MARK2: variants seen among roughly 807,000 people sequenced by gnomAD.
MARK2 encodes serine/threonine-protein kinase MARK2.
MARK2 carries 16 observed loss-of-function variants against 89.8 expected under a neutral mutation model. The observed-to-expected ratio is 0.18, with a 90% CI of 0.12 to 0.27. The LOEUF (loss-of-function observed/expected upper bound fraction) is 0.27. MARK2 is among the 10% of genes least tolerant of loss of function. The pLI is 1.00. For synonymous variants in MARK2, 382 were observed against 399.5 expected, an observed-to-expected ratio of 0.96 and a Z score of 0.52; for missense variants, 621 against 1,049.9, an observed-to-expected ratio of 0.59 and a Z score of 5.65.
chr11:63,898,078 A>C (rs1373592544), intron 3 of MARK2, among the ~76,000 whole-genome samples, 154 bp from the exon 4 acceptor site: 1 of 152,132 alleles, frequency 6.6e-6, no homozygotes, highest in Non-Finnish European at 1.5e-5. Flanking sequence ...TCCCAGCCAC[A>C]GGGAAGGCCG....
Position 63,909,844 on chromosome 11 carries a change from G to C in MARK2, c.*607G>C, listed in dbSNP as rs1318641849. 1 of 152,446 alleles carries C rather than the reference G, an allele frequency of 6.6e-6. No individual in the cohort carries two copies. Among genetic ancestry groups the C allele is most frequent in the Non-Finnish European group, 1.5e-5 (1 of 68,264 alleles). The allele number at this position is 152,446 out of a possible 1,614,324, so 9.4% of individuals were successfully genotyped here. Reference sequence around the variant, plus strand: ...CTGGAGGCCTGGGCGGTGGGGCAGGGGGCGGGGGTGCTGCGCAGCCCTGCA... The same window carrying C: ...CTGGAGGCCTGGGCGGTGGGGCAGGCGGCGGGGGTGCTGCGCAGCCCTGCA... On this transcript the variant is annotated 3_prime_UTR_variant, in exon 19 of 19. Transcript: ENST00000402010.
intron 1 of MARK2, among the ~76,000 whole-genome samples, chr11:63,852,118 G>T (rs2016602544): frequency 6.6e-6 from 1 of 152,156 alleles, no homozygotes; most frequent in African/African-American, 2.4e-5. Context: ...ATTTTCCAGA[G>T]GCTAAATGAT....
At chr11:63,849,542 C>T (rs1397862667) in intron 1 of MARK2, among the ~76,000 whole-genome samples, 1 of 152,180 alleles carries the variant, frequency 6.6e-6, no homozygotes, top group Non-Finnish European at 1.5e-5. Context: ...CACCTGAGGT[C>T]AGGAGTTCGA....
intron 1 of MARK2, among the ~76,000 whole-genome samples, chr11:63,850,315 A>ATTTTTTTTTTT (rs34074167): frequency 3.6e-3 from 345 of 95,736 alleles, no homozygotes; most frequent in Middle Eastern, 7.5e-3. Flanking sequence ...TACCTGGCTA[A>ATTTTTTTTTTT]TTTTTTTTTT....
In MARK2 at chr11:63,908,879, C is replaced by A; in HGVS notation, c.2009C>A (p.Pro670His). ...ESKDRVETLR[P>H]HVVGSGGNDK... ...GCCCGCCTCTGCCCTCTCCACAGAC[C>A]TCACGTGGTGGGCAGTGGCGGCAAC... Residue 670 changes from proline (P) to histidine (H), a missense_variant and splice_region_variant, in exon 19 of 19, where the codon CCT (proline) becomes CAT (histidine). This residue lies in a region of MARK2 where 397 missense variants were observed against 567.8 expected (regional missense o/e 0.70). Transcript: ENST00000402010. 6.6e-7 allele frequency: 1 copy of A among 1,505,778 alleles called. No individual in the cohort carries two copies. The highest frequency in any genetic ancestry group is 1.3e-5 in the South Asian group (1 of 74,802). 93.3% of individuals were successfully genotyped at this position (1,505,778 alleles called of 1,614,324 possible).
intron 1 of MARK2, among the ~76,000 whole-genome samples, chr11:63,871,294 CAG>C (rs1224779460): frequency 6.6e-6 from 1 of 152,016 alleles, no homozygotes; most frequent in Non-Finnish European, 1.5e-5. Context: ...TCACTGTGTG[CAG>C]GTGTGGCTAA....
intron 1 of MARK2, among the ~76,000 whole-genome samples, chr11:63,858,990 T>A (rs189250191): frequency 6.6e-6 from 1 of 152,370 alleles, no homozygotes; most frequent in African/African-American, 2.4e-5. Context: ...CATTACTTTA[T>A]GTTTTTTTAT....
intron 1 of MARK2, among the ~76,000 whole-genome samples, chr11:63,876,467 G>A (rs767545775): frequency 1.1e-4 from 17 of 152,250 alleles, no homozygotes; most frequent in Non-Finnish European, 2.4e-4. Context: ...TTTACCTACT[G>A]TTTTCAAGAC....
chr11:63,850,104 C>T (rs1239998926), intron 1 of MARK2: 1 of 152,192 alleles, frequency 6.6e-6, no homozygotes, highest in Non-Finnish European at 1.5e-5. Flanking sequence ...CTTCAAGCCA[C>T]TGGGGTCCTA....
intron 7 of MARK2, 96 bp from the exon 8 acceptor site, chr11:63,899,778 C>A: frequency 1.3e-6 from 1 of 797,802 alleles, no homozygotes. Flanking sequence ...CTGAAGATGA[C>A]TTTCCGTTTG....
chr11:63,897,566 T>C (rs1940515006), intron 3 of MARK2, among the ~76,000 whole-genome samples: 1 of 152,244 alleles, frequency 6.6e-6, no homozygotes, highest in African/African-American at 2.4e-5. Flanking sequence ...CACCTCCAGT[T>C]CTCTGGCCCC....
intron 1 of MARK2, among the ~76,000 whole-genome samples, chr11:63,861,592 G>T (rs1364992498): frequency 6.6e-6 from 1 of 152,178 alleles, no homozygotes; most frequent in Non-Finnish European, 1.5e-5. Context: ...CTGAGTGGTT[G>T]AAGAGTAGGC....
At chr11:63,898,887 G>C in intron 6 of MARK2, 54 bp downstream of exon 6, 5 of 1,509,306 alleles carry the variant, frequency 3.3e-6, no homozygotes, top group Non-Finnish European at 4.6e-6. Context: ...TTTGGGGTTT[G>C]ACATGTAAGG....
At chr11:63,868,676 G>A (rs925870277) in intron 1 of MARK2, 1 of 438,050 alleles carries the variant, frequency 2.3e-6, no homozygotes, top group Non-Finnish European at 4.6e-6. Flanking sequence ...GCTGAGTTCT[G>A]TCCTTGCCCC....
In MARK2 at chr11:63,904,300, G is replaced by A. The variant is rs1941146539; in HGVS notation, c.1676+153G>A. ...CTGTCCCCTGCGGCCAGGAAGTGGA[G>A]GGAACAAAAAAGAGCATTAATGCCC... On this transcript the variant is annotated intron_variant, in intron 15 of 18. Transcript: ENST00000402010. This position sits in a 1 kb window ranked among gnomAD's most constrained non-coding sequence, Gnocchi z 6.3. 1 of 651,358 alleles carries A rather than the reference G, an allele frequency of 1.5e-6. No homozygotes were observed. The highest frequency in any genetic ancestry group is 2.2e-5 in the South Asian group (1 of 45,968). 40.3% of individuals were successfully genotyped at this position (651,358 alleles called of 1,614,324 possible). A position where few individuals can be genotyped will look rare whatever the true frequency, so the allele number is the denominator to read the frequency against.
At chr11:63,895,450 G>C (rs1296822514) in intron 2 of MARK2, 112 bp downstream of exon 2, 3 of 1,434,588 alleles carry the variant, frequency 2.1e-6, no homozygotes, top group Non-Finnish European at 2.9e-6. Flanking sequence ...GCAGAAATGA[G>C]ATCTGAGATA....
At chr11:63,860,429 G>A (rs1451344678) in intron 1 of MARK2, among the ~76,000 whole-genome samples, 3 of 151,062 alleles carry the variant, frequency 2.0e-5, no homozygotes, top group Non-Finnish European at 4.4e-5. Flanking sequence ...GCGTGCGCCT[G>A]TAGTCCCAGC....
intron 1 of MARK2, among the ~76,000 whole-genome samples, chr11:63,875,514 AGTGCTGGGATTACAGGT>A (rs1938697130): frequency 6.6e-6 from 1 of 152,172 alleles, no homozygotes; most frequent in Non-Finnish European, 1.5e-5. Context: ...AGCCTCCCAA[AGTGCTGGGATTACAGGT>A]GTGAGACACT....
Position 63,898,795 on chromosome 11 carries a change from A to G in MARK2, c.436A>G (p.Arg146Gly). ...ATTTGATTACCTAGTGGCTCATGGC[A>G]GGATGAAAGAAAAAGAGGCTCGAGC... ...EVFDYLVAHGRMKEKEARAKF... is the reference protein window; with the variant it reads ...EVFDYLVAHGGMKEKEARAKF... Residue 146 changes from arginine (R) to glycine (G), a missense_variant, in exon 6 of 19, where the codon AGG (arginine) becomes GGG (glycine). This residue lies in a region of MARK2 where 82 missense variants were observed against 287.7 expected (regional missense o/e 0.29). Transcript: ENST00000402010. 6.2e-7 allele frequency: 1 copy of G among 1,614,154 alleles called. No homozygotes were observed. Among genetic ancestry groups the G allele is most frequent in the Non-Finnish European group, 8.5e-7 (1 of 1,180,030 alleles).
Sources: gnomAD v4.1 joint callset for allele counts (sites outside exome capture counted in the v4.1 genomes callset) on GRCh38, gnomAD v4.1.1 for gene constraint, gnomAD v4.1.1 regional missense constraint, Gnocchi (gnomAD v3.1) non-coding constraint, MANE v1.5 for transcripts, NCBI Gene and HGNC (gene_info 2026-07-23, HGNC 2026-07-21) for gene names.